The following MECOM variants were observed in gnomAD, a reference collection of about 807,000 sequenced individuals.
The protein encoded by MECOM is MDS1 and EVI1 complex locus.
Under a neutral mutation model 116.3 loss-of-function variants are expected in MECOM, and 13 were observed. That is an observed-to-expected ratio of 0.11 (90% CI 0.07 to 0.18). The LOEUF (loss-of-function observed/expected upper bound fraction) is 0.18. MECOM is among the 10% of genes least tolerant of loss of function. The pLI, the probability that MECOM is intolerant of heterozygous loss-of-function variation, is 1.00. For synonymous variants in MECOM, 528 were observed against 535.2 expected (o/e 0.99, Z 0.19); for missense variants, 1,299 against 1,509.0 (o/e 0.86, Z 2.31).
chr3:169,537,107 C>G (rs2109196612), intron 1 of MECOM, among the ~76,000 whole-genome samples: 1 of 152,248 alleles, frequency 6.6e-6, no homozygotes, highest in Middle Eastern at 3.4e-3. Flanking sequence ...CAGGACATTT[C>G]ACACATATAT....
At chr3:169,212,928 T>C (rs1047688100) in intron 2 of MECOM, among the ~76,000 whole-genome samples, 1 of 151,446 alleles carries the variant, frequency 6.6e-6, no homozygotes, top group African/African-American at 2.4e-5. Context: ...AAATAGCACT[T>C]TTTCAGGGAA....
At chr3:169,142,104 AAC>A (rs1025177101) in intron 3 of MECOM, among the ~76,000 whole-genome samples, 3 of 151,968 alleles carry the variant, frequency 2.0e-5, no homozygotes, top group African/African-American at 7.2e-5. Flanking sequence ...GAAACAGGAA[AAC>A]AGTTTCCCTT....
chr3:169,249,942 C>A (rs771782848), intron 2 of MECOM, among the ~76,000 whole-genome samples: 2 of 152,140 alleles, frequency 1.3e-5, no homozygotes, highest in African/African-American at 4.8e-5. Flanking sequence ...TACAAGGAAA[C>A]GTTGTGAGCA....
In MECOM at chr3:169,649,409, C is replaced by CAAA. The variant is rs71634436; in HGVS notation, c.37+13924_37+13926dup. Among the ~76,000 whole-genome samples, 34 of 74,452 alleles carry CAAA rather than the reference C, an allele frequency of 4.6e-4. 1 individual carries two copies. The highest frequency in any genetic ancestry group is 1.6e-3 in the African/African-American group (27 of 17,124). 48.8% of individuals were successfully genotyped at this position (74,452 alleles called of 152,430 possible). A position where few individuals can be genotyped will look rare whatever the true frequency, so the allele number is the denominator to read the frequency against. ...GGGCGGCAAGAGCGAAACTCCATCT[C>CAAA]AAAAAAAAAAAAAAAAAAAATAGGA... On this transcript the variant is annotated intron_variant, in intron 1 of 16. Coordinates refer to ENST00000651503, the MANE Select transcript of MECOM (RefSeq NM_004991.4).
chr3:169,560,281 A>G (rs754546327), intron 1 of MECOM, among the ~76,000 whole-genome samples: 1 of 152,160 alleles, frequency 6.6e-6, no homozygotes, highest in Non-Finnish European at 1.5e-5. Flanking sequence ...AATGCCTGTA[A>G]TGAATGGTGC....
chr3:169,208,132 G>A (rs1184416106), intron 2 of MECOM, among the ~76,000 whole-genome samples: 1 of 151,804 alleles, frequency 6.6e-6, no homozygotes, highest in Non-Finnish European at 1.5e-5. Flanking sequence ...TGAGATTCAT[G>A]TCTAAATCTA....
intron 1 of MECOM, among the ~76,000 whole-genome samples, chr3:169,537,523 G>T (rs575834556): frequency 6.6e-6 from 1 of 152,152 alleles, no homozygotes; most frequent in South Asian, 2.1e-4. Context: ...AGTTTTTGTT[G>T]ACAAAAGTTT....
At chr3:169,257,897 AC>A (rs1757043185) in intron 2 of MECOM, among the ~76,000 whole-genome samples, 2 of 152,110 alleles carry the variant, frequency 1.3e-5, no homozygotes, top group African/African-American at 4.8e-5. Context: ...TAGCAGTGTA[AC>A]CCCCAAATAC....
chr3:169,162,460 A>G (rs948120256), intron 2 of MECOM, among the ~76,000 whole-genome samples: 5 of 152,192 alleles, frequency 3.3e-5, no homozygotes, highest in Non-Finnish European at 2.9e-5. Context: ...ATTCAAACAG[A>G]AGGGAGATGG....
intron 1 of MECOM, among the ~76,000 whole-genome samples, chr3:169,653,706 T>A (rs146136113): frequency 6.6e-6 from 1 of 152,184 alleles, no homozygotes; most frequent in Non-Finnish European, 1.5e-5. Context: ...AATAAAATAA[T>A]GTATTGAACT....
At chr3:169,106,611 G>A (rs1725538527) in intron 10 of MECOM, among the ~76,000 whole-genome samples, 1 of 152,134 alleles carries the variant, frequency 6.6e-6, no homozygotes, top group African/African-American at 2.4e-5. Context: ...CTATGCTGTT[G>A]TATTATAAGA....
At chr3:169,100,998 A>C (rs1478134177) in intron 11 of MECOM, 36 bp from the exon 12 acceptor site, 1 of 1,485,958 alleles carries the variant, frequency 6.7e-7, no homozygotes, top group African/African-American at 1.4e-5. Context: ...GAAAGTCAGC[A>C]CAGTTGACTA....
chr3:169,145,182 A>G (rs1252208951), intron 2 of MECOM: 12 of 98,124 alleles, frequency 1.2e-4, no homozygotes, highest in East Asian at 1.0e-3. Context: ...ACACACACAC[A>G]CACACACAGA....
intron 2 of MECOM, among the ~76,000 whole-genome samples, chr3:169,272,061 T>C (rs192479227): frequency 6.6e-6 from 1 of 152,306 alleles, no homozygotes; most frequent in East Asian, 1.9e-4. Flanking sequence ...TTTCTAAAAA[T>C]CTGGCTGGAA....
At chr3:169,379,644 C>T (rs995636683) in intron 2 of MECOM, among the ~76,000 whole-genome samples, 1 of 152,120 alleles carries the variant, frequency 6.6e-6, no homozygotes, top group African/African-American at 2.4e-5. Flanking sequence ...CCTGCATTTA[C>T]CAAGCCTGTA....
At chr3:169,158,904 TC>T (rs1227663939) in intron 2 of MECOM, among the ~76,000 whole-genome samples, 1 of 152,168 alleles carries the variant, frequency 6.6e-6, no homozygotes, top group East Asian at 1.9e-4. Context: ...TTGTGTGTGG[TC>T]CAGGTGATAA....
At chr3:169,235,084 C>T (rs748683795) in intron 2 of MECOM, among the ~76,000 whole-genome samples, 2 of 152,180 alleles carry the variant, frequency 1.3e-5, no homozygotes, top group African/African-American at 2.4e-5. Flanking sequence ...TGGACAACGA[C>T]AGTGCTTACG....
At chr3:169,261,510 C>A (rs932490706) in intron 2 of MECOM, among the ~76,000 whole-genome samples, 2 of 152,038 alleles carry the variant, frequency 1.3e-5, no homozygotes, top group Non-Finnish European at 2.9e-5. Flanking sequence ...ACCAGCCTGG[C>A]CAACATGGTG....
chr3:169,512,617 G>A (rs1477438878), intron 1 of MECOM, among the ~76,000 whole-genome samples: 1 of 152,196 alleles, frequency 6.6e-6, no homozygotes, highest in Non-Finnish European at 1.5e-5. Flanking sequence ...TTTGTCCAAA[G>A]TGCCTGCCAC....
Sources: allele counts gnomAD v4.1 joint callset (sites outside exome capture counted in the v4.1 genomes callset), GRCh38; gene constraint gnomAD v4.1.1; transcripts MANE v1.5; gene names NCBI Gene and HGNC (gene_info 2026-07-23, HGNC 2026-07-21).